LINGO2: variants seen among roughly 807,000 people sequenced by gnomAD.
LINGO2 encodes the protein leucine rich repeat and Ig domain containing 2, also known as leucine-rich repeat and immunoglobulin-like domain-containing nogo receptor-interacting protein 2.
Under a neutral mutation model 30.6 loss-of-function variants are expected in LINGO2, and 14 were observed. The ratio of observed to expected loss-of-function variants is 0.46; its 90% CI spans 0.30 to 0.72. LINGO2 has a LOEUF of 0.72. Ranked by LOEUF, LINGO2 falls within the 30% of genes least tolerant of loss-of-function variation. The pLI is 0.07. For synonymous variants in LINGO2, 317 were observed against 288.5 expected, an observed-to-expected ratio of 1.10 and a Z score of -1.00; for missense variants, 729 against 751.7, an observed-to-expected ratio of 0.97 and a Z score of 0.35.
chr9:28,243,027 T>A (rs1417848318), intron 4 of LINGO2, among the ~76,000 whole-genome samples: 1 of 151,920 alleles, frequency 6.6e-6, no homozygotes, highest in Non-Finnish European at 1.5e-5. Flanking sequence ...CACAAGAAAA[T>A]ATAAACACCA....
intron 1 of LINGO2, among the ~76,000 whole-genome samples, chr9:28,507,880 A>G (rs1292096591): frequency 2.6e-5 from 4 of 152,074 alleles, no homozygotes; most frequent in African/African-American, 9.7e-5. Flanking sequence ...TTTTTCTAAA[A>G]ATTTCACTTA....
At chr9:28,002,084 A>C (rs1017663865) in intron 5 of LINGO2, among the ~76,000 whole-genome samples, 27 of 152,346 alleles carry the variant, frequency 1.8e-4, no homozygotes, top group African/African-American at 6.3e-4. Flanking sequence ...GATAGGCTAA[A>C]CCTAGACCGA....
the LINGO2 span, among the ~76,000 whole-genome samples, chr9:28,699,726 A>T: frequency 1.2e-4 from 18 of 151,952 alleles, no homozygotes; most frequent in Non-Finnish European, 2.4e-4. Context: ...TATTAATAGT[A>T]TGACCCTGGG....
the LINGO2 span, among the ~76,000 whole-genome samples, chr9:29,010,570 C>G: frequency 0.46 from 69,651 of 151,986 alleles, 16,613 homozygotes; most frequent in Middle Eastern, 0.53. Flanking sequence ...AAAAATAAAA[C>G]AGGTAAAGTT....
At chr9:28,780,539 T>C in the LINGO2 span, among the ~76,000 whole-genome samples, 1 of 152,124 alleles carries the variant, frequency 6.6e-6, no homozygotes, top group Non-Finnish European at 1.5e-5. Context: ...AAGAGGAAGA[T>C]GAGAAAATTT....
intron 4 of LINGO2, among the ~76,000 whole-genome samples, chr9:28,111,235 G>T (rs528941835): frequency 5.3e-5 from 8 of 151,870 alleles, no homozygotes; most frequent in Non-Finnish European, 7.4e-5. Context: ...CGGGCCTATC[G>T]GGGGCTTGGG....
the LINGO2 span, among the ~76,000 whole-genome samples, chr9:29,166,144 C>A: frequency 6.6e-6 from 1 of 152,022 alleles, no homozygotes; most frequent in East Asian, 1.9e-4. Flanking sequence ...ACGAATTAGG[C>A]AAGTAGACGT....
chr9:28,105,051 C>T (rs1249806938), intron 4 of LINGO2, among the ~76,000 whole-genome samples: 1 of 152,062 alleles, frequency 6.6e-6, no homozygotes, highest in Non-Finnish European at 1.5e-5. Context: ...ATCATTTCAA[C>T]CTGATTGCAA....
chr9:28,566,953 T>C (rs1156814096), intron 1 of LINGO2, among the ~76,000 whole-genome samples: 2 of 152,206 alleles, frequency 1.3e-5, no homozygotes, highest in African/African-American at 2.4e-5. Context: ...ATAGTTGATA[T>C]GATATTATTT....
chr9:28,063,163 G>C (rs747810633), intron 4 of LINGO2, among the ~76,000 whole-genome samples: 2 of 152,084 alleles, frequency 1.3e-5, no homozygotes, highest in African/African-American at 4.8e-5. Flanking sequence ...ACATAGCTGG[G>C]AACAATTCAT....
the LINGO2 span, among the ~76,000 whole-genome samples, chr9:29,016,943 C>A: frequency 6.6e-6 from 1 of 152,134 alleles, no homozygotes; most frequent in East Asian, 1.9e-4. Flanking sequence ...ATCTCACAGG[C>A]ATGCAAAACA....
chr9:28,546,303 TA>T (rs1321933590), intron 1 of LINGO2, among the ~76,000 whole-genome samples: 1 of 152,018 alleles, frequency 6.6e-6, no homozygotes, highest in African/African-American at 2.4e-5. Context: ...AGAAGAGCAT[TA>T]AAAAAATATT....
At chr9:28,746,269 C>T in the LINGO2 span, among the ~76,000 whole-genome samples, 1 of 151,884 alleles carries the variant, frequency 6.6e-6, no homozygotes, top group Non-Finnish European at 1.5e-5. Flanking sequence ...TAGGTAACAG[C>T]TATTCTTTAA....
intron 4 of LINGO2, among the ~76,000 whole-genome samples, chr9:28,067,545 G>A (rs879319376): frequency 5.9e-5 from 9 of 152,044 alleles, no homozygotes; most frequent in East Asian, 3.9e-4. Context: ...GTGTGACCTC[G>A]GACGATGTAC....
At chr9:28,529,428 G>T (rs1455916115) in intron 1 of LINGO2, among the ~76,000 whole-genome samples, 1 of 151,936 alleles carries the variant, frequency 6.6e-6, no homozygotes, top group Non-Finnish European at 1.5e-5. Flanking sequence ...TGACTCAATG[G>T]ATTTATATCT....
At chr9:28,062,228 T>C (rs1300281862) in intron 4 of LINGO2, among the ~76,000 whole-genome samples, 1 of 152,032 alleles carries the variant, frequency 6.6e-6, no homozygotes, top group East Asian at 1.9e-4. Flanking sequence ...GTATTGAAGG[T>C]TGCCACAGGA....
chr9:28,016,629 C>A (rs1048756958), intron 4 of LINGO2, among the ~76,000 whole-genome samples: 6 of 141,416 alleles, frequency 4.2e-5, no homozygotes, highest in Middle Eastern at 7.8e-3. Context: ...CAAGACTGAA[C>A]CAGGAAGACA....
At chr9:29,005,144 G>T in the LINGO2 span, among the ~76,000 whole-genome samples, 1 of 151,904 alleles carries the variant, frequency 6.6e-6, no homozygotes, top group African/African-American at 2.4e-5. Flanking sequence ...AATATAAAAT[G>T]CATTATTTTC....
chr9:28,805,544 A>G, the LINGO2 span, among the ~76,000 whole-genome samples: 6 of 152,218 alleles, frequency 3.9e-5, no homozygotes, highest in Non-Finnish European at 7.3e-5. Flanking sequence ...GCCAATTTGC[A>G]ACATCCGTTT....
Sources: gnomAD v4.1 joint callset for allele counts (sites outside exome capture counted in the v4.1 genomes callset) on GRCh38, gnomAD v4.1.1 for gene constraint, MANE v1.5 for transcripts, NCBI Gene and HGNC (gene_info 2026-07-23, HGNC 2026-07-21) for gene names.